LRP1B: variants seen among roughly 807,000 people sequenced by gnomAD.
LRP1B encodes low-density lipoprotein receptor-related protein 1B.
A neutral mutation model predicts 556.6 loss-of-function variants in LRP1B; 217 were observed. That is an observed-to-expected ratio of 0.39 (90% confidence interval 0.35 to 0.44). The LOEUF (loss-of-function observed/expected upper bound fraction) is 0.44. Among genes scored for constraint, LRP1B ranks in the 20% least tolerant of loss-of-function variants. The pLI is 1.00. For synonymous variants in LRP1B, 2,047 were observed against 1,865.8 expected, an observed-to-expected ratio of 1.10 and a Z score of -2.50; for missense variants, 5,053 against 5,620.8, an observed-to-expected ratio of 0.90 and a Z score of 3.23.
chr2:141,738,017 T>C (rs1001676169), intron 2 of LRP1B, among the ~76,000 whole-genome samples: 3 of 152,126 alleles, frequency 2.0e-5, no homozygotes, highest in Non-Finnish European at 2.9e-5. Context: ...ATTTTACTCG[T>C]TGATCCTCTC....
intron 41 of LRP1B, among the ~76,000 whole-genome samples, chr2:140,649,873 A>G (rs1684614023): frequency 6.6e-6 from 1 of 152,352 alleles, no homozygotes; most frequent in South Asian, 2.1e-4. Context: ...GGCAATAAAT[A>G]TTAGGTATAT....
intron 1 of LRP1B, among the ~76,000 whole-genome samples, chr2:142,082,853 C>CACTA (rs1160151163): frequency 6.6e-6 from 1 of 152,160 alleles, no homozygotes; most frequent in African/African-American, 2.4e-5. Flanking sequence ...TGGGAGAAGA[C>CACTA]ACTATTCCAT....
chr2:140,712,744 T>C (rs1253895000), intron 37 of LRP1B, among the ~76,000 whole-genome samples: 1 of 152,094 alleles, frequency 6.6e-6, no homozygotes, highest in Non-Finnish European at 1.5e-5. Context: ...TTGGCTTCTG[T>C]CCTTACTCAT....
At chr2:140,497,204 C>A (rs1688982302) in intron 55 of LRP1B, among the ~76,000 whole-genome samples, 1 of 151,780 alleles carries the variant, frequency 6.6e-6, no homozygotes, top group Non-Finnish European at 1.5e-5. Context: ...ACATTTGACA[C>A]CAGCAATTTA....
chr2:140,995,473 C>A (rs935344245), intron 15 of LRP1B, among the ~76,000 whole-genome samples: 2 of 152,056 alleles, frequency 1.3e-5, no homozygotes, highest in South Asian at 2.1e-4. Flanking sequence ...ACATTAACAA[C>A]AATAACACAA....
chr2:142,008,997 C>T (rs1247885680), intron 1 of LRP1B, among the ~76,000 whole-genome samples: 1 of 152,056 alleles, frequency 6.6e-6, no homozygotes, highest in Non-Finnish European at 1.5e-5. Flanking sequence ...AAACCATGCA[C>T]TGAAGGATTA....
intron 3 of LRP1B, among the ~76,000 whole-genome samples, chr2:141,402,477 C>T (rs1269103582): frequency 6.6e-6 from 1 of 151,936 alleles, no homozygotes; most frequent in Non-Finnish European, 1.5e-5. Flanking sequence ...TATTAGTTTC[C>T]AAGCCTTCTC....
intron 2 of LRP1B, among the ~76,000 whole-genome samples, chr2:141,652,993 G>A (rs1164262366): frequency 2.0e-5 from 3 of 152,102 alleles, no homozygotes; most frequent in African/African-American, 7.2e-5. Context: ...GATGAGTGTT[G>A]CTTCTATATT....
intron 1 of LRP1B, among the ~76,000 whole-genome samples, chr2:141,885,836 G>T (rs115478330): frequency 9.1e-4 from 138 of 152,292 alleles, no homozygotes; most frequent in African/African-American, 3.2e-3. Flanking sequence ...AAAGCTTGTG[G>T]TAAATAAAAG....
chr2:140,576,387 A>C (rs1029332443), intron 43 of LRP1B, among the ~76,000 whole-genome samples: 1 of 152,204 alleles, frequency 6.6e-6, no homozygotes, highest in Non-Finnish European at 1.5e-5. Flanking sequence ...AAGGAGAACA[A>C]TTGTTGGTAA....
intron 7 of LRP1B, among the ~76,000 whole-genome samples, chr2:141,140,888 A>G (rs1701634710): frequency 6.6e-6 from 1 of 152,076 alleles, no homozygotes; most frequent in Non-Finnish European, 1.5e-5. Flanking sequence ...ATAAATAAGC[A>G]CTTATATAAA....
chr2:140,535,438 T>C (rs753664387), intron 46 of LRP1B, among the ~76,000 whole-genome samples: 8 of 152,180 alleles, frequency 5.3e-5, no homozygotes, highest in African/African-American at 1.2e-4. Flanking sequence ...ACTCTCATTT[T>C]AAACGATGGT....
At chr2:141,851,627 C>T (rs1404025684) in intron 1 of LRP1B, among the ~76,000 whole-genome samples, 3 of 151,732 alleles carry the variant, frequency 2.0e-5, no homozygotes, top group African/African-American at 7.3e-5. Context: ...ATCAGATGGG[C>T]ATTGAGTACC....
chr2:141,765,678 C>T (rs1235530945), intron 2 of LRP1B, among the ~76,000 whole-genome samples: 1 of 152,196 alleles, frequency 6.6e-6, no homozygotes, highest in East Asian at 1.9e-4. Context: ...GAAACTTCTA[C>T]ACACATAAAC....
At chr2:141,107,816 A>G (rs1053523611) in intron 7 of LRP1B, among the ~76,000 whole-genome samples, 3 of 152,120 alleles carry the variant, frequency 2.0e-5, no homozygotes, top group Non-Finnish European at 4.4e-5. Flanking sequence ...TGATTATGAT[A>G]TGATCACAGT....
chr2:141,422,332 T>C (rs1320526155), intron 3 of LRP1B, among the ~76,000 whole-genome samples: 1 of 152,192 alleles, frequency 6.6e-6, no homozygotes, highest in Non-Finnish European at 1.5e-5. Flanking sequence ...AGAGGAGATG[T>C]AAAGAATAAA....
chr2:140,349,400 A>T (rs957014536), intron 77 of LRP1B, among the ~76,000 whole-genome samples: 2 of 151,444 alleles, frequency 1.3e-5, no homozygotes, highest in Non-Finnish European at 2.9e-5. Flanking sequence ...CATTACCATC[A>T]TCAACAGAAT....
chr2:141,845,127 G>GA (rs5834874), intron 1 of LRP1B, among the ~76,000 whole-genome samples: 68 of 149,026 alleles, frequency 4.6e-4, no homozygotes, highest in African/African-American at 1.3e-3. Flanking sequence ...TCATTTTCAG[G>GA]AAAAAAAAAA....
intron 1 of LRP1B, among the ~76,000 whole-genome samples, chr2:142,070,130 TA>T (rs1705256744): frequency 6.6e-6 from 1 of 151,768 alleles, no homozygotes; most frequent in South Asian, 2.1e-4. Context: ...AACACATCAA[TA>T]AAACTCTTCT....
Sources: gnomAD v4.1 joint callset for allele counts (sites outside exome capture counted in the v4.1 genomes callset) on GRCh38, gnomAD v4.1.1 for gene constraint, MANE v1.5 for transcripts, NCBI Gene and HGNC (gene_info 2026-07-23, HGNC 2026-07-21) for gene names.